PPP3CA: variants seen among roughly 807,000 people sequenced by gnomAD.
The protein encoded by PPP3CA is CAM-PRP catalytic subunit.
In PPP3CA, 14 loss-of-function variants were observed where a neutral mutation model predicts 66.5. The ratio of observed to expected loss-of-function variants is 0.21; its 90% confidence interval spans 0.14 to 0.33. PPP3CA has a LOEUF of 0.33. Among genes scored for constraint, PPP3CA ranks in the 10% least tolerant of loss-of-function variants. PPP3CA has a pLI of 1.00. For missense variants in PPP3CA, 317 were observed against 639.5 expected, an observed-to-expected ratio of 0.50 and a Z score of 5.44; for synonymous variants, 232 against 226.2, an observed-to-expected ratio of 1.03 and a Z score of -0.23.
intron 3 of PPP3CA, among the ~76,000 whole-genome samples, chr4:101,106,453 G>GAAAGAAAGAAGAGAAGAGAAAAGAAA (rs775018059): frequency 2.8e-5 from 1 of 35,512 alleles, no homozygotes; most frequent in Non-Finnish European, 5.3e-5. Flanking sequence ...AAGAAAGAAA[G>GAAAGAAAGAAGAGAAGAGAAAAGAAA]AGAAAAGAAA....
rs1726542553 is a variant in PPP3CA at position 101,024,618 on chromosome 4, C to T, written c.*1247G>A. On this transcript the variant is annotated 3_prime_UTR_variant, in exon 14 of 14. Transcript: ENST00000394854. ...GACAGAACAGAACAAAATAACTAAACTGTTATGACATTAACAGTTGCCATG... is the reference window on the plus strand; with the variant it reads ...GACAGAACAGAACAAAATAACTAAATTGTTATGACATTAACAGTTGCCATG... 1 of 152,622 alleles carries T rather than the reference C, an allele frequency of 6.6e-6. No homozygotes were observed. The highest frequency in any genetic ancestry group is 1.5e-5 in the Non-Finnish European group (1 of 68,036). The allele number at this position is 152,622 out of a possible 1,614,324, so 9.5% of individuals were successfully genotyped here.
intron 8 of PPP3CA, among the ~76,000 whole-genome samples, chr4:101,078,181 T>A (rs1013668013): frequency 1.3e-5 from 2 of 152,184 alleles, no homozygotes; most frequent in Non-Finnish European, 2.9e-5. Context: ...ATAAAAAATA[T>A]ATAAAAGCAT....
At chr4:101,200,827 C>T (rs1268142499) in intron 1 of PPP3CA, among the ~76,000 whole-genome samples, 2 of 151,988 alleles carry the variant, frequency 1.3e-5, no homozygotes. Context: ...GTGAATCATC[C>T]AACGTCAAAG....
intron 1 of PPP3CA, chr4:101,330,159 A>C (rs1002869806): frequency 7.6e-5 from 28 of 367,682 alleles, no homozygotes; most frequent in Middle Eastern, 1.9e-3. Flanking sequence ...CACATTAACA[A>C]GAGTTTGAAA....
At chr4:101,223,586 G>A (rs978402160) in intron 1 of PPP3CA, among the ~76,000 whole-genome samples, 2 of 151,754 alleles carry the variant, frequency 1.3e-5, no homozygotes, top group Non-Finnish European at 2.9e-5. Flanking sequence ...GTATTTCAAT[G>A]TGGGATACTG....
intron 10 of PPP3CA, among the ~76,000 whole-genome samples, chr4:101,056,403 G>GTT (rs1490644084): frequency 6.6e-6 from 1 of 152,098 alleles, no homozygotes; most frequent in Admixed American, 6.6e-5. Context: ...ATAGTAAACA[G>GTT]GAGTTGACAG....
In PPP3CA at chr4:101,295,307, CAA is replaced by C. The variant is rs527366396; in HGVS notation, c.58+51430_58+51431del. On this transcript the variant is annotated intron_variant, in intron 1 of 13. Transcript: ENST00000394854. ...TGGGTGACAGAGCGAGACTCCGTCT[CAA>C]AAAAAAAAAAAAAAAAAAAAAAGAA... Among the ~76,000 whole-genome samples the C allele has an allele frequency of 1.5e-3, 61 of 42,030 alleles. No individual in the cohort carries two copies. The Middle Eastern group carries it at 0.03, about 21-fold the overall frequency. The allele number at this position is 42,030 out of a possible 152,430, so 27.6% of individuals were successfully genotyped here.
rs1728289766 is a variant in PPP3CA at position 101,299,103 on chromosome 4, ATCGTTTT to A, written c.58+47629_58+47635del. Among the ~76,000 whole-genome samples, 9 of 121,882 alleles carry A rather than the reference ATCGTTTT, an allele frequency of 7.4e-5. No homozygotes were observed. In the South Asian group the frequency reaches 1.9e-3, roughly 25 times the overall value. 80.0% of individuals were successfully genotyped at this position (121,882 alleles called of 152,430 possible). A position where few individuals can be genotyped will look rare whatever the true frequency, so the allele number is the denominator to read the frequency against. ...GCAATGTCAATATCAAGTGCCATATATCGTTTTTTTTTTTTTTTTTTTTTTTTTTGGT... is the reference window on the plus strand; with the variant it reads ...GCAATGTCAATATCAAGTGCCATATATTTTTTTTTTTTTTTTTTTTTTGGT... On this transcript the variant is annotated intron_variant, in intron 1 of 13. Coordinates refer to ENST00000394854, the MANE Select transcript of PPP3CA (RefSeq NM_000944.5).
intron 1 of PPP3CA, among the ~76,000 whole-genome samples, chr4:101,320,764 T>C (rs1729018522): frequency 6.6e-6 from 1 of 152,128 alleles, no homozygotes; most frequent in African/African-American, 2.4e-5. Flanking sequence ...CCTGGACACA[T>C]TGCCTGATCC....
intron 1 of PPP3CA, among the ~76,000 whole-genome samples, chr4:101,236,909 C>T (rs747321928): frequency 6.6e-5 from 10 of 151,144 alleles, no homozygotes; most frequent in Non-Finnish European, 1.3e-4. Context: ...TATGAAGACT[C>T]TAGATTTAGT....
At chr4:101,343,832 T>A (rs2110344512) in intron 1 of PPP3CA, among the ~76,000 whole-genome samples, 1 of 152,276 alleles carries the variant, frequency 6.6e-6, no homozygotes, top group South Asian at 2.1e-4. Flanking sequence ...TAAAGCTGCA[T>A]TCTAAAAGTA....
intron 1 of PPP3CA, among the ~76,000 whole-genome samples, chr4:101,248,908 C>G (rs999356284): frequency 6.6e-6 from 1 of 152,122 alleles, no homozygotes; most frequent in Non-Finnish European, 1.5e-5. Flanking sequence ...CGCCTGTAAT[C>G]CCAACACTTT....
chr4:101,071,381 CTG>C (rs1319008151), intron 8 of PPP3CA, among the ~76,000 whole-genome samples: 1 of 152,154 alleles, frequency 6.6e-6, no homozygotes, highest in Non-Finnish European at 1.5e-5. Flanking sequence ...CTTTTTGACA[CTG>C]TAAGAGTAAA....
chr4:101,259,809 C>A (rs1199571564), intron 1 of PPP3CA, among the ~76,000 whole-genome samples: 1 of 152,088 alleles, frequency 6.6e-6, no homozygotes, highest in Non-Finnish European at 1.5e-5. Flanking sequence ...CAATCTTCTG[C>A]CACACGCTCT....
chr4:101,248,769 T>C (rs1459010183), intron 1 of PPP3CA, among the ~76,000 whole-genome samples: 1 of 152,216 alleles, frequency 6.6e-6, no homozygotes, highest in Non-Finnish European at 1.5e-5. Flanking sequence ...TTCAATTTAT[T>C]TCTTCTGTCA....
intron 11 of PPP3CA, among the ~76,000 whole-genome samples, chr4:101,033,043 G>A (rs935428371): frequency 2.0e-5 from 3 of 151,638 alleles, no homozygotes; most frequent in Non-Finnish European, 4.4e-5. Flanking sequence ...CAATCAATCA[G>A]TTTTAAGTAC....
At chr4:101,192,626 C>G (rs1724642322) in intron 2 of PPP3CA, among the ~76,000 whole-genome samples, 1 of 152,156 alleles carries the variant, frequency 6.6e-6, no homozygotes, top group Non-Finnish European at 1.5e-5. Flanking sequence ...GTGCTGTTAT[C>G]TCTGCTCACA....
intron 2 of PPP3CA, among the ~76,000 whole-genome samples, chr4:101,165,067 T>C (rs1723648558): frequency 6.6e-6 from 1 of 152,130 alleles, no homozygotes; most frequent in South Asian, 2.1e-4. Context: ...AAAAAAATGA[T>C]TCCTGAAAGA....
chr4:101,069,059 G>C (rs1728800758), intron 8 of PPP3CA, among the ~76,000 whole-genome samples: 1 of 151,994 alleles, frequency 6.6e-6, no homozygotes, highest in South Asian at 2.1e-4. Context: ...TCAAGAGATG[G>C]GGTCTTGCTC....
Sources: gnomAD v4.1 joint callset for allele counts (sites outside exome capture counted in the v4.1 genomes callset) on GRCh38, gnomAD v4.1.1 for gene constraint, MANE v1.5 for transcripts, NCBI Gene and HGNC (gene_info 2026-07-23, HGNC 2026-07-21) for gene names.